Variants in OTOP3 observed in about 807,000 individuals in gnomAD.
OTOP3 encodes proton channel OTOP3.
Under a neutral mutation model 50.8 loss-of-function variants are expected in OTOP3, and 41 were observed. The observed-to-expected ratio is 0.81, with a 90% CI of 0.63 to 1.05. The LOEUF is 1.05. Ranked by LOEUF, OTOP3 falls within the 50% of genes least tolerant of loss-of-function variation. The probability of loss-of-function intolerance (pLI) is 0.00; values close to 1 mark genes in which losing one functional copy is unlikely to be tolerated. For missense variants in OTOP3, 788 were observed against 760.8 expected, an observed-to-expected ratio of 1.04 and a Z score of -0.42; for synonymous variants, 320 against 324.4, an observed-to-expected ratio of 0.99 and a Z score of 0.14.
rs377524721 is a variant in OTOP3, at chr17:74,943,575, G to T, written c.633-31G>T. ...TTTGGCACCTGGGGAGCCGGCCAGGGTGTGTGAGAAGAGTGTGGCATTTCC... is the reference window on the plus strand; with the variant it reads ...TTTGGCACCTGGGGAGCCGGCCAGGTTGTGTGAGAAGAGTGTGGCATTTCC... On this transcript the variant is annotated intron_variant, in intron 4 of 6. Transcript: ENST00000328801. The T allele has an allele frequency of 4.4e-6, 7 of 1,604,070 alleles. No individual in the cohort carries two copies. The African/African-American group carries it at 6.7e-5, about 15-fold the overall frequency.
chr17:74,946,408 T>C (rs1238789239), intron 5 of OTOP3, among the ~76,000 whole-genome samples: 1 of 152,222 alleles, frequency 6.6e-6, no homozygotes, highest in Non-Finnish European at 1.5e-5. Context: ...CCACTGCGCC[T>C]GGCTGGCATC....
At position 74,943,687 on chromosome 17, in the gene OTOP3, C is replaced by A; in HGVS notation, c.714C>A (p.Ile238=). The change falls in exon 5 of 7, where the codon ATC becomes ATA. Residue 238 remains isoleucine, a synonymous_variant. Coordinates refer to ENST00000328801, the MANE Select transcript of OTOP3 (RefSeq NM_001272005.2). ...AVTNDSMHRE[I]EAELGILMEK... ...CCAATGACTCCATGCACCGAGAGAT[C>A]GAAGCTGAGCTTGGCATCCTCATGG... 6.2e-7 allele frequency: 1 copy of A among 1,610,696 alleles called. No homozygotes were observed.
chr17:74,938,316 T>C (rs2039138337), intron 1 of OTOP3, among the ~76,000 whole-genome samples: 1 of 151,902 alleles, frequency 6.6e-6, no homozygotes, highest in Admixed American at 6.6e-5. Context: ...AGAGGGCACG[T>C]CTGAAGCTCC....
rs2039174139 is a variant in OTOP3 at position 74,941,594 on chromosome 17, G to A, written c.221G>A (p.Gly74Glu). The change falls in exon 2 of 7, where the codon GGG becomes GAG. Residue 74 changes from glycine to glutamate, a missense_variant. Gly to Glu is a moderately conservative substitution (Grantham distance 98, BLOSUM62 -2). Coordinates refer to ENST00000328801, the MANE Select transcript of OTOP3 (RefSeq NM_001272005.2). The part of the protein sequence containing the change: ...QAQKAGQLFS[G>E]LLALNVVFLG... The stretch of plus-strand genomic sequence containing the variant: ...CAGAAGGCTGGACAACTCTTCTCGG[G>A]GCTCCTGGCCCTGAATGTGGTGTTC... 9 of 1,612,982 alleles carry A rather than the reference G, an allele frequency of 5.6e-6. No individual in the cohort carries two copies. Among genetic ancestry groups the A allele is most frequent in the Non-Finnish European group, 6.8e-6 (8 of 1,179,254 alleles).
intron 3 of OTOP3, 121 bp downstream of exon 3, chr17:74,942,158 G>C: frequency 3.9e-6 from 5 of 1,291,664 alleles, no homozygotes; most frequent in Non-Finnish European, 4.2e-6. Flanking sequence ...AATGTCCCAG[G>C]GTCTTTGCAC....
Position 74,949,512 on chromosome 17 carries a change from C to T in OTOP3, c.*96C>T, listed in dbSNP as rs766594603. ...ATGCCTCATTCTGAGGTGCCGAGAC[C>T]AGCCTGAGGCTCTCAAGGCCTCCTG... On this transcript the variant is annotated 3_prime_UTR_variant, in exon 7 of 7. Transcript: ENST00000328801. The T allele has an allele frequency of 1.4e-6, 2 of 1,400,448 alleles. No homozygotes were observed. The highest frequency in any genetic ancestry group is 1.9e-6 in the Non-Finnish European group (2 of 1,037,470). 86.8% of individuals were successfully genotyped at this position (1,400,448 alleles called of 1,614,324 possible).
rs757481454 is a variant in OTOP3 at position 74,947,132 on chromosome 17, A to G, written c.1223A>G (p.Gln408Arg). The change falls in exon 6 of 7, where the codon CAG becomes CGG. Residue 408 changes from glutamine to arginine, a missense_variant. By Grantham distance (43) the Gln-to-Arg change is conservative. Transcript: ENST00000328801. Reference protein sequence around the residue: ...VVLLMGAALGQMGIAYFSIVA... With the variant: ...VVLLMGAALGRMGIAYFSIVA... The stretch of plus-strand genomic sequence containing the variant: ...CTGCTAATGGGTGCTGCACTGGGCC[A>G]GATGGGCATCGCCTATTTCTCCATC... 12 of 1,614,138 alleles carry G rather than the reference A, an allele frequency of 7.4e-6. No individual in the cohort carries two copies. The South Asian group carries it at 1.3e-4, about 18-fold the overall frequency.
chr17:74,947,254 T>G lies in OTOP3; in HGVS notation c.1345T>G (p.Phe449Val). 6.2e-7 allele frequency: 1 copy of G among 1,613,826 alleles called. No individual in the cohort carries two copies. The highest frequency in any genetic ancestry group is 8.5e-7 in the Non-Finnish European group (1 of 1,179,918). ...LILQHIAQNLFIIEGLHRRPL... is the reference protein window; with the variant it reads ...LILQHIAQNLVIIEGLHRRPL... Reference sequence around the variant, plus strand: ...CCTGCAGCACATCGCTCAGAACCTCTTCATCATCGAGGGCCTGCACCGGCG... The same window carrying G: ...CCTGCAGCACATCGCTCAGAACCTCGTCATCATCGAGGGCCTGCACCGGCG... Residue 449 changes from phenylalanine (F) to valine (V), a missense_variant, in exon 6 of 7, where the codon TTC becomes GTC. Phe to Val is a conservative substitution (Grantham distance 50). Transcript: ENST00000328801.
intron 5 of OTOP3, 76 bp downstream of exon 5, chr17:74,943,800 GC>G: frequency 8.7e-7 from 1 of 1,154,956 alleles, no homozygotes; most frequent in South Asian, 1.3e-5. Context: ...ACACATAAAC[GC>G]TACACTCTCT....
intron 4 of OTOP3, 78 bp from the exon 5 acceptor site, chr17:74,943,528 C>T (rs2144784479): frequency 6.8e-7 from 1 of 1,471,970 alleles, no homozygotes; most frequent in Non-Finnish European, 9.5e-7. Context: ...GTGGTTGCCC[C>T]AACAACAGTG....
At chr17:74,942,675 T>C (rs961591534) in intron 3 of OTOP3, among the ~76,000 whole-genome samples, 2 of 151,388 alleles carry the variant, frequency 1.3e-5, no homozygotes, top group Admixed American at 6.6e-5. Flanking sequence ...CTCACACCTG[T>C]AATCCCAGCA....
intron 5 of OTOP3, among the ~76,000 whole-genome samples, chr17:74,945,288 C>T (rs1470899131): frequency 2.0e-5 from 3 of 152,158 alleles, no homozygotes; most frequent in Non-Finnish European, 4.4e-5. Context: ...AGATGTATTC[C>T]CCCACATGAC....
At position 74,935,929 on chromosome 17, in the gene OTOP3, T is replaced by TAAG. The variant is rs1417436776; in HGVS notation, c.8_9insAAG (p.Leu3_Pro4insSer). 1 of 1,544,778 alleles carries TAAG rather than the reference T, an allele frequency of 6.5e-7. No individual in the cohort carries two copies. The highest frequency in any genetic ancestry group is 2.4e-5 in the East Asian group (1 of 40,872). On this transcript the variant is annotated inframe_insertion, in exon 1 of 7. Transcript: ENST00000328801. ...GGTGGTTAGCCCACGGCGATGCCTCTCCCGGCCTCAGGTAAGCCCGGAGCG... is the reference window on the plus strand; with the variant it reads ...GGTGGTTAGCCCACGGCGATGCCTCTAAGCCCGGCCTCAGGTAAGCCCGGAGCG...
chr17:74,948,473 C>A (rs1226728036), intron 6 of OTOP3, among the ~76,000 whole-genome samples: 1 of 152,096 alleles, frequency 6.6e-6, no homozygotes, highest in Non-Finnish European at 1.5e-5. Context: ...CCAGCCTGGG[C>A]AACATGGTAA....
rs774684995 is a variant in OTOP3 at position 74,949,399 on chromosome 17, G to T, written c.1720G>T (p.Val574Phe). 3.7e-6 allele frequency: 6 copies of T among 1,612,994 alleles called. No individual in the cohort carries two copies. The highest frequency in any genetic ancestry group is 4.2e-6 in the Non-Finnish European group (5 of 1,179,830). Residue 574 changes from valine (V) to phenylalanine (F), a missense_variant, in exon 7 of 7, where the codon GTC (valine) becomes TTC (phenylalanine). Transcript: ENST00000328801. ...GCACTCTGTGGGAGGCCTGGTGGAG[G>T]TCTACCTGGGGGCCTGAGGCTGCCC... ...RMHSVGGLVE[V>F]YLGA
At chr17:74,945,087 A>G (rs2039213027) in intron 5 of OTOP3, among the ~76,000 whole-genome samples, 1 of 152,170 alleles carries the variant, frequency 6.6e-6, no homozygotes, top group Non-Finnish European at 1.5e-5. Flanking sequence ...AGCTGGGACT[A>G]CAGGCACATG....
At chr17:74,948,836 C>CA (rs1014382668) in intron 6 of OTOP3, among the ~76,000 whole-genome samples, 49 of 151,964 alleles carry the variant, frequency 3.2e-4, no homozygotes, top group Admixed American at 1.0e-3. Flanking sequence ...AGACCTGTCT[C>CA]AAAAAAATAA....
chr17:74,948,875 C>A (rs967157262), intron 6 of OTOP3, among the ~76,000 whole-genome samples: 6 of 152,018 alleles, frequency 3.9e-5, no homozygotes, highest in Non-Finnish European at 7.4e-5. Context: ...AAGTAGCTAG[C>A]CGAGGAGTGA....
In OTOP3 at chr17:74,943,712, GA is replaced by G. The variant is rs1486189163; in HGVS notation, c.744del (p.Lys248AsnfsTer26). ...CGAAGCTGAGCTTGGCATCCTCATGGAAAAATCCACAGGTATGGAAAGGAGA... is the reference window on the plus strand; with the variant it reads ...CGAAGCTGAGCTTGGCATCCTCATGGAAAATCCACAGGTATGGAAAGGAGA... ...EIEAELGILMEKSTGNETNTC... is the reference protein window; with the variant it reads ...EIEAELGILMXKSTGNETNTC... On this transcript the variant is annotated frameshift_variant, in exon 5 of 7. Coordinates refer to ENST00000328801, the MANE Select transcript of OTOP3 (RefSeq NM_001272005.2). LOFTEE classifies it high-confidence loss of function. The G allele has an allele frequency of 7.5e-6, 12 of 1,607,100 alleles. No individual in the cohort carries two copies. The highest frequency in any genetic ancestry group is 1.0e-5 in the Non-Finnish European group (12 of 1,179,206).
Sources: allele counts gnomAD v4.1 joint callset (sites outside exome capture counted in the v4.1 genomes callset), GRCh38; gene constraint gnomAD v4.1.1; transcripts MANE v1.5; gene names NCBI Gene and HGNC (gene_info 2026-07-23, HGNC 2026-07-21).